TRPM3: variants seen among roughly 807,000 people sequenced by gnomAD.
TRPM3 encodes the protein long transient receptor potential channel 3.
TRPM3 carries 77 observed loss-of-function variants against 181.2 expected under a neutral mutation model. That is an observed-to-expected ratio of 0.42 (90% CI 0.35 to 0.51). The LOEUF is 0.51. Ranked by LOEUF, TRPM3 falls within the 20% of genes least tolerant of loss-of-function variation. The pLI, the probability that TRPM3 is intolerant of heterozygous loss-of-function variation, is 0.01. For missense variants in TRPM3, 1,759 were observed against 2,196.7 expected, an observed-to-expected ratio of 0.80 and a Z score of 3.98; for synonymous variants, 745 against 796.4, an observed-to-expected ratio of 0.94 and a Z score of 1.09.
intron 9 of TRPM3, among the ~76,000 whole-genome samples, chr9:70,657,316 C>A (rs2060500241): frequency 7.0e-6 from 1 of 143,666 alleles, no homozygotes; most frequent in Non-Finnish European, 1.5e-5. Context: ...CAAAGTTCAA[C>A]TTTTATTGCA....
At chr9:70,993,544 A>G (rs551367204) in intron 1 of TRPM3, among the ~76,000 whole-genome samples, 31 of 152,268 alleles carry the variant, frequency 2.0e-4, no homozygotes, top group African/African-American at 6.5e-4. Context: ...AGTTTTGGAT[A>G]TGCCAAGTTT....
intron 22 of TRPM3, among the ~76,000 whole-genome samples, chr9:70,583,182 C>A (rs753541471): frequency 3.3e-5 from 5 of 152,012 alleles, no homozygotes; most frequent in African/African-American, 1.2e-4. Flanking sequence ...TCAGAAGGGG[C>A]AACAGAAGGG....
At chr9:70,810,021 A>G (rs1204623489) in intron 6 of TRPM3, 1 of 534,652 alleles carries the variant, frequency 1.9e-6, no homozygotes, top group Admixed American at 1.9e-5. Flanking sequence ...AGCCTCCTTC[A>G]TATATTCTCA....
In TRPM3 at chr9:71,168,638, T is replaced by A. The variant is rs12350765; in HGVS notation, c.183+278015A>T. Among the ~76,000 whole-genome samples, 583 of 145,906 alleles carry A rather than the reference T, an allele frequency of 4.0e-3. 1 individual carries two copies. The highest frequency in any genetic ancestry group is 0.013 in the African/African-American group (508 of 40,026). On this transcript the variant is annotated intron_variant, in intron 1 of 24. Coordinates refer to the TRPM3 transcript ENST00000357533. The stretch of plus-strand genomic sequence containing the variant: ...TTTTATTATTATTTTTTTATTATTT[T>A]TTATTTTTTTTTTTATTATTACTAT...
intron 20 of TRPM3, among the ~76,000 whole-genome samples, chr9:70,601,017 C>T (rs1037887537): frequency 2.6e-5 from 4 of 152,204 alleles, no homozygotes; most frequent in Non-Finnish European, 5.9e-5. Flanking sequence ...AGGCACCTGT[C>T]TTAGAACCCT....
chr9:71,108,416 T>C (rs1420706849), intron 1 of TRPM3, among the ~76,000 whole-genome samples: 1 of 152,158 alleles, frequency 6.6e-6, no homozygotes, highest in Non-Finnish European at 1.5e-5. Flanking sequence ...TCCCCTGCCA[T>C]ATCACCTGCT....
chr9:71,075,054 A>T (rs1405464616), intron 1 of TRPM3, among the ~76,000 whole-genome samples: 1 of 152,246 alleles, frequency 6.6e-6, no homozygotes, highest in Admixed American at 6.5e-5. Flanking sequence ...AGTCACTGTC[A>T]TTCTAGAAGT....
intron 1 of TRPM3, among the ~76,000 whole-genome samples, chr9:71,425,780 G>C (rs1174644471): frequency 6.6e-6 from 1 of 152,068 alleles, no homozygotes; most frequent in African/African-American, 2.4e-5. Context: ...CCATAAGGGG[G>C]TACTATACAA....
At position 71,215,047 on chromosome 9, in the gene TRPM3, CA is replaced by C. The variant is rs72383590; in HGVS notation, c.183+231605del. ...TCACCAAAAAACAAAAAAAAAAAAA[CA>C]AAAAAAAAAAAAAACAACAACCCAA... On this transcript the variant is annotated intron_variant, in intron 1 of 24. Transcript: ENST00000357533. 2.0e-3 allele frequency among the ~76,000 whole-genome samples: 225 copies of C among 112,604 alleles called. 2 individuals carry two copies. Among genetic ancestry groups the C allele is most frequent in the African/African-American group, 7.7e-3 (212 of 27,644 alleles). The allele number at this position is 112,604 out of a possible 152,430, so 73.9% of individuals were successfully genotyped here.
At chr9:70,911,666 C>T (rs1380537849) in intron 1 of TRPM3, among the ~76,000 whole-genome samples, 1 of 152,108 alleles carries the variant, frequency 6.6e-6, no homozygotes, top group African/African-American at 2.4e-5. Flanking sequence ...ATGTCAGTAG[C>T]CTCCCCTCTG....
In TRPM3 at chr9:70,536,022, C is replaced by T. The variant is rs200479470; in HGVS notation, c.5091G>A (p.Gly1697=). ...RSKSSKPEGR[G]DSLSMRRLSR... ...ACAGTCTCCTCATGGACAGGCTGTCCCCTCGGCCCTCCGGCTTGGAGGACT... is the reference window on the plus strand; with the variant it reads ...ACAGTCTCCTCATGGACAGGCTGTCTCCTCGGCCCTCCGGCTTGGAGGACT... The change falls in exon 26 of 26, where the codon GGG becomes GGA. Residue 1697 remains glycine (G), a synonymous_variant. Transcript: ENST00000677713. 3.1e-6 allele frequency: 5 copies of T among 1,613,908 alleles called. No individual in the cohort carries two copies. The highest frequency in any genetic ancestry group is 4.2e-6 in the Non-Finnish European group (5 of 1,179,978).
intron 1 of TRPM3, among the ~76,000 whole-genome samples, chr9:71,186,710 T>C (rs1464261355): frequency 6.6e-6 from 1 of 152,074 alleles, no homozygotes; most frequent in Non-Finnish European, 1.5e-5. Context: ...TAGAAAGTAT[T>C]AGAAACATAT....
At chr9:71,234,303 G>A (rs2081240243) in intron 1 of TRPM3, among the ~76,000 whole-genome samples, 2 of 152,270 alleles carry the variant, frequency 1.3e-5, no homozygotes, top group South Asian at 2.1e-4. Context: ...TGGTTACACA[G>A]GTCAGCTCAA....
intron 1 of TRPM3, among the ~76,000 whole-genome samples, chr9:71,109,443 T>C (rs2070533129): frequency 6.6e-6 from 1 of 152,158 alleles, no homozygotes; most frequent in Admixed American, 6.6e-5. Context: ...GCATCACTTT[T>C]GCTTTATTAA....
At chr9:70,600,478 A>G (rs1431504146) in intron 20 of TRPM3, among the ~76,000 whole-genome samples, 1 of 151,916 alleles carries the variant, frequency 6.6e-6, no homozygotes, top group Non-Finnish European at 1.5e-5. Flanking sequence ...CAAGAGCCCT[A>G]TTTTTCACAG....
At chr9:71,353,548 C>G (rs551098748) in intron 1 of TRPM3, among the ~76,000 whole-genome samples, 1 of 152,196 alleles carries the variant, frequency 6.6e-6, no homozygotes, top group African/African-American at 2.4e-5. Context: ...TTGCCTAGGG[C>G]GAATGACTTC....
chr9:71,363,592 A>C (rs1228390391), intron 1 of TRPM3, among the ~76,000 whole-genome samples: 2 of 152,222 alleles, frequency 1.3e-5, no homozygotes, highest in East Asian at 1.9e-4. Context: ...TACATTTGCC[A>C]GAACTAGAAG....
intron 1 of TRPM3, among the ~76,000 whole-genome samples, chr9:71,109,725 C>T (rs931463893): frequency 2.6e-5 from 4 of 151,874 alleles, no homozygotes; most frequent in African/African-American, 9.7e-5. Flanking sequence ...TGAAGAGAGA[C>T]GGTAACAGGG....
chr9:71,092,903 G>A (rs1199271620), intron 1 of TRPM3, among the ~76,000 whole-genome samples: 1 of 152,034 alleles, frequency 6.6e-6, no homozygotes, highest in Non-Finnish European at 1.5e-5. Flanking sequence ...CAGATATATA[G>A]ACCAATGGAA....
Sources: allele counts gnomAD v4.1 joint callset (sites outside exome capture counted in the v4.1 genomes callset), GRCh38; gene constraint gnomAD v4.1.1; transcripts MANE v1.5; gene names NCBI Gene and HGNC (gene_info 2026-07-23, HGNC 2026-07-21).